FGD3: variants seen among roughly 807,000 people sequenced by gnomAD.
FGD3 encodes FYVE, RhoGEF and PH domain containing 3.
A neutral mutation model predicts 71.8 loss-of-function variants in FGD3; 45 were observed. The observed-to-expected ratio is 0.63, with a 90% CI of 0.49 to 0.80. The LOEUF (loss-of-function observed/expected upper bound fraction) is 0.80, where lower values mean the gene tolerates loss of function less well. Among genes scored for constraint, FGD3 ranks in the 30% least tolerant of loss-of-function variants. The probability of loss-of-function intolerance (pLI) is 0.00; values close to 1 mark genes in which losing one functional copy is unlikely to be tolerated. For missense variants in FGD3, 844 were observed against 951.5 expected (o/e 0.89, Z 1.49); for synonymous variants, 378 against 392.8 (o/e 0.96, Z 0.44).
At chr9:92,956,435 G>T (rs944208059) in intron 1 of FGD3, among the ~76,000 whole-genome samples, 1 of 152,146 alleles carries the variant, frequency 6.6e-6, no homozygotes, top group Non-Finnish European at 1.5e-5. Context: ...CTTTAAAGAG[G>T]TAACAAAGTT....
chr9:93,024,069 G>A (rs887320537), intron 14 of FGD3, among the ~76,000 whole-genome samples: 2 of 152,066 alleles, frequency 1.3e-5, no homozygotes, highest in African/African-American at 4.8e-5. Context: ...GATTACAGGC[G>A]TGAGCCACCA....
intron 5 of FGD3, among the ~76,000 whole-genome samples, chr9:93,004,631 C>T (rs948228087): frequency 6.6e-6 from 1 of 152,206 alleles, no homozygotes; most frequent in Non-Finnish European, 1.5e-5. Flanking sequence ...ATTCATGAAA[C>T]ATCCCAGGCT....
chr9:92,988,636 C>T (rs1860282158), intron 3 of FGD3, among the ~76,000 whole-genome samples: 1 of 152,206 alleles, frequency 6.6e-6, no homozygotes, highest in African/African-American at 2.4e-5. Context: ...TATATAAGAG[C>T]AAGTACTTAC....
At position 92,951,104 on chromosome 9, in the gene FGD3, G is replaced by C. The variant is rs184108570; in HGVS notation, c.-218+3375G>C. Among the ~76,000 whole-genome samples the C allele has an allele frequency of 1.4e-3, 206 of 152,316 alleles. 2 individuals are homozygous for C. The highest frequency in any genetic ancestry group is 4.6e-3 in the African/African-American group (192 of 41,564). The stretch of plus-strand genomic sequence containing the variant: ...AAGTTGCTCTGGGGGTCCCGCTCTA[G>C]GTCTAGTGTGTTCATGAGGGAATTC... On this transcript the variant is annotated intron_variant, in intron 1 of 17. Coordinates refer to ENST00000375482, the MANE Select transcript of FGD3 (RefSeq NM_001083536.2).
intron 3 of FGD3, among the ~76,000 whole-genome samples, chr9:92,984,773 T>C (rs557980634): frequency 3.3e-4 from 50 of 152,116 alleles, no homozygotes; most frequent in Middle Eastern, 3.4e-3. Flanking sequence ...TGGTAATTGG[T>C]CTCTTAAATA....
chr9:92,989,726 G>GTAAATCTCA (rs1860329874), intron 3 of FGD3, among the ~76,000 whole-genome samples: 6 of 152,112 alleles, frequency 3.9e-5, no homozygotes, highest in Admixed American at 2.6e-4. Flanking sequence ...TCAGTAAATC[G>GTAAATCTCA]GCACTTTACA....
At chr9:93,002,487 A>G (rs1285924465) in intron 3 of FGD3, among the ~76,000 whole-genome samples, 1 of 152,006 alleles carries the variant, frequency 6.6e-6, no homozygotes, top group Non-Finnish European at 1.5e-5. Flanking sequence ...AAATGGACTA[A>G]GACAAGCTTG....
chr9:92,963,067 T>G (rs1201015384), intron 1 of FGD3, among the ~76,000 whole-genome samples: 1 of 152,100 alleles, frequency 6.6e-6, no homozygotes, highest in Non-Finnish European at 1.5e-5. Flanking sequence ...TAGCTCTGCA[T>G]CCTCACACAG....
At chr9:93,034,975 C>T (rs1274337909) in intron 17 of FGD3, among the ~76,000 whole-genome samples, 1 of 152,106 alleles carries the variant, frequency 6.6e-6, no homozygotes, top group East Asian at 1.9e-4. Context: ...CAGGAACCCA[C>T]ACAGCCCTGG....
chr9:92,975,047 G>A (rs1859672642), intron 1 of FGD3, among the ~76,000 whole-genome samples, 191 bp from the exon 2 acceptor site: 1 of 152,204 alleles, frequency 6.6e-6, no homozygotes, highest in Non-Finnish European at 1.5e-5. Context: ...CACCCTTTTG[G>A]AGGCATTGTG....
intron 3 of FGD3, among the ~76,000 whole-genome samples, chr9:92,995,621 TA>T (rs201908978): frequency 0.026 from 4,002 of 152,310 alleles, 84 homozygotes; most frequent in Middle Eastern, 0.044. Context: ...TTGTCATAAA[TA>T]GCTCTTATTA....
At chr9:92,996,254 G>C (rs1860638861) in intron 3 of FGD3, among the ~76,000 whole-genome samples, 1 of 152,174 alleles carries the variant, frequency 6.6e-6, no homozygotes, top group African/African-American at 2.4e-5. Flanking sequence ...AGATTTTCTA[G>C]TTTATTTGCA....
intron 3 of FGD3, among the ~76,000 whole-genome samples, chr9:92,977,708 C>T (rs539164941): frequency 2.6e-5 from 4 of 152,230 alleles, no homozygotes; most frequent in South Asian, 2.1e-4. Flanking sequence ...CGTGAGGCCA[C>T]AGGGAAGCCC....
At position 93,013,914 on chromosome 9, in the gene FGD3, C is replaced by T. The variant is rs2118760343; in HGVS notation, c.1098C>T (p.Asn366=). The change falls in exon 9 of 18, where the codon AAC becomes AAT. Residue 366 remains asparagine, a synonymous_variant. Transcript: ENST00000375482. ...EQLGGEEDIV[N]PANELIKEGQ... ...TGGGTGGGGAAGAAGACATTGTCAA[C>T]CCGGCCAATGAACTGATCAAGGAGG... The T allele has an allele frequency of 3.1e-6, 5 of 1,613,178 alleles. No homozygotes were observed. The highest frequency in any genetic ancestry group is 1.7e-5 in the Admixed American group (1 of 59,826).
Position 92,959,309 on chromosome 9 carries a change from A to G in FGD3, c.-218+11580A>G, listed in dbSNP as rs12686487. ...TATTTTATTAATGAAAATAATTACT[A>G]TAATAAAATTATTTTAGTTAATAAA... On this transcript the variant is annotated intron_variant, in intron 1 of 17. Coordinates refer to ENST00000375482, the MANE Select transcript of FGD3 (RefSeq NM_001083536.2). Among the ~76,000 whole-genome samples, 291 of 152,042 alleles carry G rather than the reference A, an allele frequency of 1.9e-3. 11 individuals are homozygous for G. The East Asian group carries it at 0.048, about 25-fold the overall frequency.
Position 93,020,333 on chromosome 9 carries a change from T to G in FGD3, c.1403T>G (p.Ile468Ser). 6.2e-7 allele frequency: 1 copy of G among 1,612,604 alleles called. No homozygotes were observed. The highest frequency in any genetic ancestry group is 1.3e-5 in the African/African-American group (1 of 74,950). ...KEWIQIIQAT[I>S]EKHKQNSETF... Reference sequence around the variant, plus strand: ...TGTGTCCAGATCATCCAGGCCACCATCGAGAAGCACAAACAGAACAGCGAA... The same window carrying G: ...TGTGTCCAGATCATCCAGGCCACCAGCGAGAAGCACAAACAGAACAGCGAA... The change falls in exon 13 of 18, where the codon ATC becomes AGC. Residue 468 changes from isoleucine (I) to serine (S), a missense_variant. By Grantham distance (142) the Ile-to-Ser change is moderately radical (BLOSUM62 -2). Coordinates refer to ENST00000375482, the MANE Select transcript of FGD3 (RefSeq NM_001083536.2).
chr9:92,964,978 G>T (rs1859261442), intron 1 of FGD3, among the ~76,000 whole-genome samples: 6 of 152,224 alleles, frequency 3.9e-5, no homozygotes, highest in Admixed American at 3.9e-4. Context: ...TGTAGCATGG[G>T]GCTGTGAGGA....
chr9:93,032,927 C>T (rs1204738701), intron 16 of FGD3, 54 bp downstream of exon 16: 2 of 1,491,846 alleles, frequency 1.3e-6, no homozygotes, highest in Non-Finnish European at 1.9e-6. Context: ...AGCCTCCAGA[C>T]ACCTGCTCCT....
At chr9:93,034,706 C>T in intron 17 of FGD3, 25 bp downstream of exon 17, 1 of 1,606,026 alleles carries the variant, frequency 6.2e-7, no homozygotes. Context: ...CCCACCAGGC[C>T]CTCAGGCCAG....
Sources: gnomAD v4.1 joint callset for allele counts (sites outside exome capture counted in the v4.1 genomes callset) on GRCh38, gnomAD v4.1.1 for gene constraint, MANE v1.5 for transcripts, NCBI Gene and HGNC (gene_info 2026-07-23, HGNC 2026-07-21) for gene names.